CRY2: variants seen among roughly 807,000 people sequenced by gnomAD.
The protein encoded by CRY2 is cryptochrome-2.
CRY2 carries 31 observed loss-of-function variants against 69.5 expected under a neutral mutation model. The observed-to-expected ratio is 0.45, with a 90% CI of 0.34 to 0.60. The LOEUF is 0.60. Ranked by LOEUF, CRY2 falls within the 20% of genes least tolerant of loss-of-function variation. CRY2 has a pLI of 0.02. For synonymous variants in CRY2, 303 were observed against 312.2 expected (o/e 0.97, Z 0.31); for missense variants, 606 against 797.8 (o/e 0.76, Z 2.90).
chr11:45,866,261 T>TATGGATGTGGTGGTTGTCTG (rs1254551448), intron 5 of CRY2, among the ~76,000 whole-genome samples: 1 of 152,100 alleles, frequency 6.6e-6, no homozygotes, highest in Non-Finnish European at 1.5e-5. Context: ...GGGCTAGAGC[T>TATGGATGTGGTGGTTGTCTG]ATGGATGTGG....
At chr11:45,855,862 C>A in intron 1 of CRY2, 120 bp from the exon 2 acceptor site, 1 of 863,804 alleles carries the variant, frequency 1.2e-6, no homozygotes, top group Non-Finnish European at 2.0e-6. Context: ...CTCTCCAGCC[C>A]TAGTGATCAT....
chr11:45,854,785 A>C (rs2134630262), intron 1 of CRY2, among the ~76,000 whole-genome samples: 1 of 152,362 alleles, frequency 6.6e-6, no homozygotes, highest in East Asian at 1.9e-4. Flanking sequence ...TTGTCACTTA[A>C]CAGCTATGGT....
intron 4 of CRY2, chr11:45,861,312 G>T: frequency 2.7e-6 from 1 of 364,608 alleles, no homozygotes. Context: ...AGACAATACA[G>T]GCACTGCCTG....
chr11:45,850,314 A>G (rs1169624187), intron 1 of CRY2, among the ~76,000 whole-genome samples: 1 of 152,182 alleles, frequency 6.6e-6, no homozygotes, highest in Non-Finnish European at 1.5e-5. Flanking sequence ...GGCCTTGGGC[A>G]TTAAGGTTTT....
intron 5 of CRY2, among the ~76,000 whole-genome samples, chr11:45,863,404 T>C (rs2086303835): frequency 1.3e-5 from 2 of 151,980 alleles, no homozygotes; most frequent in African/African-American, 4.8e-5. Context: ...CTTTTCCACA[T>C]ACCCCCAGAG....
At chr11:45,854,873 T>C (rs2086227353) in intron 1 of CRY2, among the ~76,000 whole-genome samples, 2 of 152,102 alleles carry the variant, frequency 1.3e-5, no homozygotes, top group African/African-American at 4.8e-5. Context: ...TCCTTCAAAA[T>C]AGTTGAGAGA....
chr11:45,877,423 A>G (rs759629832), intron 11 of CRY2, among the ~76,000 whole-genome samples: 1 of 152,036 alleles, frequency 6.6e-6, no homozygotes, highest in Non-Finnish European at 1.5e-5. Flanking sequence ...ACGTGCATCC[A>G]CCCCTCCAGG....
In CRY2 at chr11:45,857,101, G is replaced by A. The variant is rs975591266; in HGVS notation, c.324+1011G>A. ...AAGTCATGTCAAGGCAAACAGCTTA[G>A]TGAATACATCATCCTTCAATTCCCC... On this transcript the variant is annotated intron_variant, in intron 2 of 11. Coordinates refer to ENST00000616080, the MANE Select transcript of CRY2 (RefSeq NM_021117.5). Among the ~76,000 whole-genome samples the A allele has an allele frequency of 5.9e-5, 9 of 152,240 alleles. No individual in the cohort carries two copies. The South Asian group carries it at 6.2e-4, about 11-fold the overall frequency.
upstream of CRY2, chr11:45,847,424 G>C (rs1377218116): frequency 2.5e-6 from 4 of 1,593,018 alleles, no homozygotes; most frequent in Admixed American, 6.8e-5. Flanking sequence ...TCACTGGGCG[G>C]GCTATGGGCG....
At position 45,867,609 on chromosome 11, in the gene CRY2, T is replaced by G. The variant is rs1470619913; in HGVS notation, c.742-3T>G. Reference sequence around the variant, plus strand: ...CTTTTGCCACCTTCTCTTTCTGCTGTAGGCCTGGGTTGCCAACTATGAGAG... The same window carrying G: ...CTTTTGCCACCTTCTCTTTCTGCTGGAGGCCTGGGTTGCCAACTATGAGAG... On this transcript the variant is annotated splice_region_variant and splice_polypyrimidine_tract_variant and intron_variant, in intron 5 of 11. Transcript: ENST00000616080. 6.2e-7 allele frequency: 1 copy of G among 1,614,206 alleles called. No homozygotes were observed. Among genetic ancestry groups the G allele is most frequent in the Non-Finnish European group, 8.5e-7 (1 of 1,180,018 alleles).
chr11:45,858,910 TGA>T (rs2086264140), intron 3 of CRY2, 37 bp downstream of exon 3: 2 of 1,601,034 alleles, frequency 1.2e-6, no homozygotes, highest in Non-Finnish European at 8.5e-7. Context: ...TTACCAATTG[TGA>T]GAGTTAGTAA....
chr11:45,870,765 C>A (rs1220179734), intron 9 of CRY2, 77 bp from the exon 10 acceptor site: 5 of 1,296,252 alleles, frequency 3.9e-6, no homozygotes, highest in Non-Finnish European at 5.5e-6. Flanking sequence ...TCCCCACCCC[C>A]ACTTGCTTCA....
intron 1 of CRY2, among the ~76,000 whole-genome samples, chr11:45,853,159 T>G (rs1285566226): frequency 6.6e-6 from 1 of 152,190 alleles, no homozygotes; most frequent in Non-Finnish European, 1.5e-5. Context: ...TCTCTATGCC[T>G]CAGTTCCCTC....
At chr11:45,847,793 G>A in intron 1 of CRY2, 88 bp downstream of exon 1, 7 of 1,433,090 alleles carry the variant, frequency 4.9e-6, no homozygotes, top group Non-Finnish European at 5.6e-6. Context: ...CCCCAACCCC[G>A]CCACGGCTGG....
intron 3 of CRY2, among the ~76,000 whole-genome samples, chr11:45,859,501 G>A (rs2086269803): frequency 6.6e-6 from 1 of 151,540 alleles, no homozygotes; most frequent in Non-Finnish European, 1.5e-5. Flanking sequence ...GCTTGAGGCT[G>A]CCATGAGCTG....
chr11:45,879,385 A>T (rs2086450730), intron 11 of CRY2, among the ~76,000 whole-genome samples: 1 of 152,230 alleles, frequency 6.6e-6, no homozygotes, highest in Admixed American at 6.5e-5. Context: ...ATGATACTGA[A>T]TCCTTGTCTC....
chr11:45,865,169 A>C (rs946933120), intron 5 of CRY2, among the ~76,000 whole-genome samples: 27 of 152,372 alleles, frequency 1.8e-4, no homozygotes, highest in Middle Eastern at 3.4e-3. Context: ...TGAAAAGATA[A>C]AGTCCTTCCT....
Position 45,861,044 on chromosome 11 carries a change from C to T in CRY2, c.652+12C>T. The stretch of plus-strand genomic sequence containing the variant: ...CCTGGAGGAGCTGGGTGCGTACTTC[C>T]TGCCCAGAGCCACTTGTGCTGGTGC... On this transcript the variant is annotated intron_variant, in intron 4 of 11. Transcript: ENST00000616080. The T allele has an allele frequency of 6.2e-7, 1 of 1,603,302 alleles. No individual in the cohort carries two copies. Among genetic ancestry groups the T allele is most frequent in the Non-Finnish European group, 8.5e-7 (1 of 1,173,980 alleles).
chr11:45,847,520 T>C lies in CRY2; in HGVS notation c.30T>C (p.Ala10=), dbSNP rs2134623203. ...CGGCGACTGTGGCGACGGCGGCAGC[T>C]GTGGCCCCGGCGCCAGCGCCCGGCA... MAATVATAA[A]VAPAPAPGTD... The change falls in exon 1 of 12, where the codon GCT becomes GCC. Residue 10 remains alanine (A), a synonymous_variant. Transcript: ENST00000616080. The C allele has an allele frequency of 1.3e-6, 2 of 1,589,600 alleles. No individual in the cohort carries two copies. The highest frequency in any genetic ancestry group is 2.3e-5 in the East Asian group (1 of 44,264).
Sources: allele counts gnomAD v4.1 joint callset (sites outside exome capture counted in the v4.1 genomes callset), GRCh38; gene constraint gnomAD v4.1.1; transcripts MANE v1.5; gene names NCBI Gene and HGNC (gene_info 2026-07-23, HGNC 2026-07-21).